Variants in NFKB1 observed in about 807,000 individuals in gnomAD.
NFKB1 encodes the protein nuclear factor NF-kappa-B p105 subunit.
In NFKB1, 9 loss-of-function variants were observed where a neutral mutation model predicts 105.1. The observed-to-expected ratio is 0.09, with a 90% CI of 0.05 to 0.15. The LOEUF is 0.15. Among genes scored for constraint, NFKB1 ranks in the 10% least tolerant of loss-of-function variants. The probability of loss-of-function intolerance (pLI) is 1.00; values close to 1 mark genes in which losing one functional copy is unlikely to be tolerated. For missense variants in NFKB1, 830 were observed against 1,203.7 expected (o/e 0.69, Z 4.59); for synonymous variants, 440 against 442.2 (o/e 1.00, Z 0.06).
At chr4:102,550,041 C>T (rs1170568305) in intron 5 of NFKB1, among the ~76,000 whole-genome samples, 1 of 151,706 alleles carries the variant, frequency 6.6e-6, no homozygotes, top group African/African-American at 2.4e-5. Context: ...GTCACTTTTC[C>T]TGGTTTTTTT....
At chr4:102,539,826 T>C (rs933644373) in intron 5 of NFKB1, among the ~76,000 whole-genome samples, 3 of 152,122 alleles carry the variant, frequency 2.0e-5, no homozygotes, top group African/African-American at 4.8e-5. Flanking sequence ...CTCTCAGATA[T>C]AATGTGTGCA....
intron 11 of NFKB1, among the ~76,000 whole-genome samples, chr4:102,590,331 T>C (rs1726068204): frequency 6.6e-6 from 1 of 152,250 alleles, no homozygotes; most frequent in South Asian, 2.1e-4. Flanking sequence ...CTCCGCAGTG[T>C]TGTCCCAAAC....
At position 102,610,646 on chromosome 4, in the gene NFKB1, G is replaced by C. The variant is rs964387720; in HGVS notation, c.2299G>C (p.Asp767His). 5.0e-6 allele frequency: 8 copies of C among 1,613,944 alleles called. No homozygotes were observed. Among genetic ancestry groups the C allele is most frequent in the Non-Finnish European group, 6.8e-6 (8 of 1,179,964 alleles). The change falls in exon 20 of 24, where the codon GAT becomes CAT. Residue 767 changes from aspartate (D) to histidine (H), a missense_variant. Asp to His is a moderately conservative substitution (Grantham distance 81, BLOSUM62 -1). Coordinates refer to ENST00000226574, the MANE Select transcript of NFKB1 (RefSeq NM_003998.4). ...LDDSWENAGE[D>H]EGVVPGTTPL... ...TGACTCTTGGGAAAATGCAGGAGAG[G>C]ATGAAGGAGTTGTGCCTGGAACCAC...
intron 11 of NFKB1, among the ~76,000 whole-genome samples, chr4:102,586,046 A>G (rs1196799927): frequency 2.0e-5 from 3 of 152,178 alleles, no homozygotes; most frequent in Non-Finnish European, 4.4e-5. Context: ...GTTTGGAATG[A>G]TGGCTCTGAC....
At chr4:102,605,653 G>T (rs555094678) in intron 16 of NFKB1, among the ~76,000 whole-genome samples, 1 of 152,336 alleles carries the variant, frequency 6.6e-6, no homozygotes, top group South Asian at 2.1e-4. Context: ...GTAATACCTT[G>T]TGGGCAGGAT....
chr4:102,574,817 C>G (rs1724680856), intron 6 of NFKB1, among the ~76,000 whole-genome samples: 2 of 152,128 alleles, frequency 1.3e-5, no homozygotes, highest in Non-Finnish European at 2.9e-5. Context: ...TGTACTGTTT[C>G]ATTTGTTAAC....
chr4:102,586,946 C>T (rs1354050200), intron 11 of NFKB1, among the ~76,000 whole-genome samples: 3 of 152,194 alleles, frequency 2.0e-5, no homozygotes, highest in East Asian at 3.9e-4. Context: ...GTTTAGAAAA[C>T]GGTTCTACAA....
At chr4:102,567,644 G>C (rs1378115335) in intron 6 of NFKB1, among the ~76,000 whole-genome samples, 1 of 152,166 alleles carries the variant, frequency 6.6e-6, no homozygotes, top group Admixed American at 6.5e-5. Flanking sequence ...GCACAGATAA[G>C]AAGCCAAGGA....
At chr4:102,541,202 T>TC (rs755589081) in intron 5 of NFKB1, among the ~76,000 whole-genome samples, 3 of 152,150 alleles carry the variant, frequency 2.0e-5, no homozygotes, top group Non-Finnish European at 2.9e-5. Flanking sequence ...TTGACAAATG[T>TC]CCCCTGGGGG....
rs1346783408 is a variant in NFKB1, at chr4:102,537,931, A to G, written c.233A>G (p.Asn78Ser). ...CTACCTGGTGCCTCTAGTGAAAAGA[A>G]CAAGAAGTCTTACCCTCAGGTCAAA... Reference protein sequence around the residue: ...GGLPGASSEKNKKSYPQVKIC... With the variant: ...GGLPGASSEKSKKSYPQVKIC... Residue 78 changes from asparagine (N) to serine (S), a missense_variant, in exon 5 of 24, where the codon AAC (asparagine) becomes AGC (serine). By Grantham distance (46) the Asn-to-Ser change is conservative. Coordinates refer to ENST00000226574, the MANE Select transcript of NFKB1 (RefSeq NM_003998.4). 4 of 1,610,910 alleles carry G rather than the reference A, an allele frequency of 2.5e-6. No individual in the cohort carries two copies. The highest frequency in any genetic ancestry group is 3.4e-6 in the Non-Finnish European group (4 of 1,177,294).
intron 1 of NFKB1, among the ~76,000 whole-genome samples, chr4:102,524,329 A>C (rs990502916): frequency 2.0e-5 from 3 of 152,130 alleles, no homozygotes; most frequent in South Asian, 2.1e-4. Flanking sequence ...GAGTTGATTA[A>C]ATCTGAGACC....
chr4:102,540,811 A>G (rs936244560), intron 5 of NFKB1, among the ~76,000 whole-genome samples: 1 of 152,138 alleles, frequency 6.6e-6, no homozygotes, highest in African/African-American at 2.4e-5. Context: ...TCTTCTCCAA[A>G]TATCCCTTTT....
intron 5 of NFKB1, among the ~76,000 whole-genome samples, 192 bp downstream of exon 5, chr4:102,538,148 A>G (rs1050541610): frequency 2.0e-5 from 3 of 152,230 alleles, no homozygotes; most frequent in Non-Finnish European, 4.4e-5. Context: ...CTTTGTTAAC[A>G]TTTCAATTTA....
intron 6 of NFKB1, among the ~76,000 whole-genome samples, chr4:102,569,186 T>C (rs761436338): frequency 1.3e-5 from 2 of 152,164 alleles, no homozygotes; most frequent in Non-Finnish European, 2.9e-5. Flanking sequence ...TCAAAACTTA[T>C]TGCATTTATG....
intron 3 of NFKB1, among the ~76,000 whole-genome samples, chr4:102,533,566 C>CAT (rs1216551016): frequency 6.6e-6 from 1 of 152,168 alleles, no homozygotes; most frequent in African/African-American, 2.4e-5. Flanking sequence ...TCTTGCCGGC[C>CAT]ATATGCCTTT....
In NFKB1 at chr4:102,525,549, C is replaced by A; in HGVS notation, c.31C>A (p.Pro11Thr). 1 of 1,612,934 alleles carries A rather than the reference C, an allele frequency of 6.2e-7. No individual in the cohort carries two copies. The stretch of plus-strand genomic sequence containing the variant: ...AGAAGATGATCCATATTTGGGAAGG[C>A]CTGAACAAGTAAGTGTCATAATCTC... MAEDDPYLGR[P>T]EQMFHLDPSL... The change falls in exon 2 of 24, where the codon CCT becomes ACT. Residue 11 changes from proline to threonine, a missense_variant. By Grantham distance (38) the Pro-to-Thr change is conservative. This residue lies in a region of NFKB1 where 46 missense variants were observed against 48.3 expected (regional missense o/e 0.95). Coordinates refer to ENST00000226574, the MANE Select transcript of NFKB1 (RefSeq NM_003998.4).
chr4:102,571,718 A>C (rs1309794052), intron 6 of NFKB1, among the ~76,000 whole-genome samples: 2 of 152,228 alleles, frequency 1.3e-5, no homozygotes, highest in African/African-American at 4.8e-5. Flanking sequence ...ATGCAGCCAA[A>C]AGACACATGA....
chr4:102,596,459 G>T, intron 14 of NFKB1, 127 bp downstream of exon 14: 2 of 674,156 alleles, frequency 3.0e-6, no homozygotes, highest in Non-Finnish European at 4.4e-6. Context: ...TCAAAGTTCT[G>T]TATGCCTTTG....
At chr4:102,536,260 A>G (rs1741629255) in intron 4 of NFKB1, among the ~76,000 whole-genome samples, 1 of 152,158 alleles carries the variant, frequency 6.6e-6, no homozygotes, top group Non-Finnish European at 1.5e-5. Context: ...TTGTGTGAGA[A>G]TCAAAACAAA....
Sources: gnomAD v4.1 joint callset for allele counts (sites outside exome capture counted in the v4.1 genomes callset) on GRCh38, gnomAD v4.1.1 for gene constraint, gnomAD v4.1.1 regional missense constraint, MANE v1.5 for transcripts, NCBI Gene and HGNC (gene_info 2026-07-23, HGNC 2026-07-21) for gene names.